Variants in DOCK3 observed in about 807,000 individuals in gnomAD.
DOCK3 encodes the protein dedicator of cytokinesis protein 3.
In DOCK3, 60 loss-of-function variants were observed where a neutral mutation model predicts 265.6. The ratio of observed to expected loss-of-function variants is 0.23; its 90% CI spans 0.18 to 0.28. The LOEUF is 0.28. DOCK3 is among the 10% of genes least tolerant of loss of function. DOCK3 has a pLI of 1.00. For missense variants in DOCK3, 1,981 were observed against 2,594.3 expected (o/e 0.76, Z 5.14); for synonymous variants, 881 against 938.0 (o/e 0.94, Z 1.11).
intron 5 of DOCK3, among the ~76,000 whole-genome samples, chr3:51,041,217 T>G (rs2080517962): frequency 2.6e-5 from 2 of 78,322 alleles, no homozygotes; most frequent in Non-Finnish European, 4.8e-5. Context: ...TTTTTTTTTT[T>G]TTTTTTTTTT....
chr3:51,291,329 AAAAAAG>A (rs1207043020), intron 27 of DOCK3, among the ~76,000 whole-genome samples: 2 of 152,250 alleles, frequency 1.3e-5, no homozygotes, highest in Non-Finnish European at 2.9e-5. Flanking sequence ...ATGGACACTA[AAAAAAG>A]AAAAAGAAAA....
At chr3:51,105,188 C>A (rs1034949272) in intron 9 of DOCK3, among the ~76,000 whole-genome samples, 1 of 151,898 alleles carries the variant, frequency 6.6e-6, no homozygotes, top group Non-Finnish European at 1.5e-5. Context: ...TGTTCTGTGC[C>A]AACTAAGGGT....
Position 50,675,468 on chromosome 3 carries a change from G to A in DOCK3, c.37+168G>A, listed in dbSNP as rs1341018243. Among the ~76,000 whole-genome samples, 1 of 151,628 alleles carries A rather than the reference G, an allele frequency of 6.6e-6. No homozygotes were observed. The highest frequency in any genetic ancestry group is 1.5e-5 in the Non-Finnish European group (1 of 67,810). On this transcript the variant is annotated intron_variant, in intron 1 of 52. Coordinates refer to ENST00000266037, the MANE Select transcript of DOCK3 (RefSeq NM_004947.5). The surrounding 1 kb of genome is among the most constrained non-coding windows in gnomAD (Gnocchi z 6.1). ...CAGGTGCGGGTGCGGGTGCGGGTGC[G>A]GGGGTGGGCGCGGGTCTCTGTGCAG...
chr3:51,281,842 G>A (rs1023497253), intron 27 of DOCK3, among the ~76,000 whole-genome samples: 3 of 152,086 alleles, frequency 2.0e-5, no homozygotes, highest in African/African-American at 4.8e-5. Flanking sequence ...ACTTGGACTT[G>A]TTCATTCCCC....
intron 27 of DOCK3, among the ~76,000 whole-genome samples, chr3:51,304,357 C>G (rs1367245236): frequency 3.3e-5 from 5 of 152,000 alleles, no homozygotes; most frequent in Non-Finnish European, 7.4e-5. Context: ...CCTGCTGCCC[C>G]TCTCCTGGGA....
At chr3:51,373,845 C>T (rs987544274) in intron 49 of DOCK3, among the ~76,000 whole-genome samples, 1 of 152,230 alleles carries the variant, frequency 6.6e-6, no homozygotes, top group African/African-American at 2.4e-5. Flanking sequence ...CCCTGGCCCC[C>T]AGCCAGCCTG....
intron 3 of DOCK3, among the ~76,000 whole-genome samples, chr3:50,849,537 C>T (rs1559720746): frequency 1.3e-5 from 2 of 151,322 alleles, no homozygotes; most frequent in East Asian, 3.9e-4. Context: ...TCACTGTAGC[C>T]TTGACCTCCT....
At chr3:51,208,548 C>T (rs2089342468) in intron 12 of DOCK3, among the ~76,000 whole-genome samples, 1 of 152,130 alleles carries the variant, frequency 6.6e-6, no homozygotes, top group African/African-American at 2.4e-5. Flanking sequence ...AGGAATTTTG[C>T]CAATTAAATG....
intron 7 of DOCK3, among the ~76,000 whole-genome samples, chr3:51,088,656 A>C (rs900040762): frequency 2.6e-5 from 4 of 152,242 alleles, no homozygotes; most frequent in Non-Finnish European, 5.9e-5. Context: ...TGAGCTTCAC[A>C]ATAACTTTGT....
intron 12 of DOCK3, among the ~76,000 whole-genome samples, chr3:51,189,756 T>G (rs574383246): frequency 9.2e-5 from 14 of 152,344 alleles, no homozygotes; most frequent in African/African-American, 3.1e-4. Flanking sequence ...TATTGACTTC[T>G]TTTCCTCTGG....
At chr3:51,168,714 A>G (rs1443772183) in intron 12 of DOCK3, among the ~76,000 whole-genome samples, 2 of 152,250 alleles carry the variant, frequency 1.3e-5, no homozygotes, top group South Asian at 2.1e-4. Context: ...GACAAAAGCC[A>G]TCGCAACAAA....
intron 12 of DOCK3, among the ~76,000 whole-genome samples, chr3:51,203,512 A>T (rs2108047819): frequency 6.6e-6 from 1 of 152,354 alleles, no homozygotes; most frequent in Middle Eastern, 3.4e-3. Flanking sequence ...GTGAAATTAA[A>T]GAGGATACAA....
chr3:51,073,273 A>G (rs1032044471), intron 6 of DOCK3, among the ~76,000 whole-genome samples: 2 of 152,204 alleles, frequency 1.3e-5, no homozygotes, highest in Non-Finnish European at 2.9e-5. Flanking sequence ...CCATATCTCT[A>G]TAAAAGTATT....
At chr3:51,061,157 T>C (rs2081394780) in intron 5 of DOCK3, among the ~76,000 whole-genome samples, 1 of 152,216 alleles carries the variant, frequency 6.6e-6, no homozygotes, top group South Asian at 2.1e-4. Context: ...AGTGTGGCGA[T>C]TCCTCAGGGA....
chr3:51,248,534 G>C (rs1168595035), intron 22 of DOCK3, among the ~76,000 whole-genome samples: 20 of 152,210 alleles, frequency 1.3e-4, no homozygotes, highest in Admixed American at 3.9e-4. Context: ...GCGTGATCTC[G>C]GCTCGCTACA....
chr3:50,942,017 A>G (rs978519734), intron 5 of DOCK3, among the ~76,000 whole-genome samples: 6 of 152,136 alleles, frequency 3.9e-5, no homozygotes, highest in African/African-American at 1.4e-4. Context: ...TTTCTTTGTA[A>G]TGGAGTTAAT....
intron 5 of DOCK3, among the ~76,000 whole-genome samples, chr3:50,971,925 G>T (rs2077247830): frequency 6.6e-6 from 1 of 152,198 alleles, no homozygotes; most frequent in South Asian, 2.1e-4. Flanking sequence ...CCCACAGGAG[G>T]TGGGGTTGCT....
chr3:51,338,516 G>A, intron 36 of DOCK3, 97 bp downstream of exon 36: 2 of 1,397,190 alleles, frequency 1.4e-6, no homozygotes, highest in African/African-American at 2.9e-5. Context: ...ATGGCTGCAG[G>A]CCTAAGGGTT....
Position 50,759,582 on chromosome 3 carries a change from A to G in DOCK3, c.38-19093A>G, listed in dbSNP as rs557920894. Among the ~76,000 whole-genome samples, 9 of 151,740 alleles carry G rather than the reference A, an allele frequency of 5.9e-5. No homozygotes were observed. In the East Asian group the frequency reaches 1.7e-3, roughly 29 times the overall value. On this transcript the variant is annotated intron_variant, in intron 1 of 52. Transcript: ENST00000266037. ...GTTGGGTGTTTTGGCCCACACCTGT[A>G]ATCCCAGCACTTTGGGAAGCCAAGG...
Sources: gnomAD v4.1 joint callset for allele counts (sites outside exome capture counted in the v4.1 genomes callset) on GRCh38, gnomAD v4.1.1 for gene constraint, Gnocchi (gnomAD v3.1) non-coding constraint, MANE v1.5 for transcripts, NCBI Gene and HGNC (gene_info 2026-07-23, HGNC 2026-07-21) for gene names.